The following FRMD5 variants were observed in gnomAD, a reference collection of about 807,000 sequenced individuals.
The protein encoded by FRMD5 is FERM domain containing 5, also known as FERM domain-containing protein 5.
FRMD5 carries 20 observed loss-of-function variants against 69.0 expected under a neutral mutation model. The observed-to-expected ratio is 0.29, with a 90% confidence interval of 0.20 to 0.42. The LOEUF (loss-of-function observed/expected upper bound fraction) is 0.42. FRMD5 is among the 10% of genes least tolerant of loss of function. The pLI is 1.00. For synonymous variants in FRMD5, 271 were observed against 260.1 expected (o/e 1.04, Z -0.40); for missense variants, 595 against 708.6 (o/e 0.84, Z 1.82).
rs560311470 is a variant in FRMD5, at chr15:44,175,932, T to C, written c.102+19021A>G. ...ATTCATGAATCAGAAGACTTAATAC[T>C]GTTAAGATGGCAACACTCCCTGAAT... On this transcript the variant is annotated intron_variant, in intron 1 of 13. Coordinates refer to ENST00000417257, the MANE Select transcript of FRMD5 (RefSeq NM_032892.5). Among the ~76,000 whole-genome samples the C allele has an allele frequency of 6.6e-5, 10 of 152,296 alleles. No homozygotes were observed. In the South Asian group the frequency reaches 1.9e-3, roughly 28 times the overall value.
At chr15:43,880,949 C>G (rs781161906) in intron 13 of FRMD5, among the ~76,000 whole-genome samples, 3 of 152,224 alleles carry the variant, frequency 2.0e-5, no homozygotes, top group Non-Finnish European at 4.4e-5. Flanking sequence ...CCTGACTCAG[C>G]CTCAGCATGT....
intron 1 of FRMD5, among the ~76,000 whole-genome samples, chr15:44,182,538 C>G (rs2078023812): frequency 6.6e-6 from 1 of 151,936 alleles, no homozygotes; most frequent in African/African-American, 2.4e-5. Flanking sequence ...ATCATGTTAG[C>G]CAGGATGGTC....
chr15:44,001,392 G>A (rs1016009038), intron 1 of FRMD5, among the ~76,000 whole-genome samples: 2 of 152,028 alleles, frequency 1.3e-5, no homozygotes, highest in African/African-American at 4.8e-5. Context: ...CCTCTGCTGT[G>A]CAGAAACTTT....
At chr15:43,994,652 G>T (rs1209267080) in intron 1 of FRMD5, among the ~76,000 whole-genome samples, 2 of 152,228 alleles carry the variant, frequency 1.3e-5, no homozygotes, top group African/African-American at 4.8e-5. Flanking sequence ...GGCTGGTCTC[G>T]AACTCCTGAC....
intron 1 of FRMD5, among the ~76,000 whole-genome samples, chr15:44,170,329 C>A (rs2077779169): frequency 1.3e-5 from 2 of 152,080 alleles, no homozygotes; most frequent in Admixed American, 6.6e-5. Context: ...TCGAGACCAG[C>A]CTGACCAATA....
intron 1 of FRMD5, among the ~76,000 whole-genome samples, chr15:43,974,066 G>A (rs969419586): frequency 4.6e-5 from 7 of 150,914 alleles, no homozygotes; most frequent in African/African-American, 1.7e-4. Flanking sequence ...TGATCTTGAA[G>A]TTACTCTACT....
chr15:44,052,513 T>C (rs370202255), intron 1 of FRMD5, among the ~76,000 whole-genome samples: 2 of 152,188 alleles, frequency 1.3e-5, no homozygotes, highest in Non-Finnish European at 2.9e-5. Flanking sequence ...TTGGGTACTA[T>C]TGCTTCCACA....
At chr15:43,935,739 C>A (rs976345791) in intron 1 of FRMD5, among the ~76,000 whole-genome samples, 1 of 152,146 alleles carries the variant, frequency 6.6e-6, no homozygotes, top group East Asian at 1.9e-4. Context: ...CAGCGGCTCC[C>A]TGAGGCCTCT....
At chr15:44,148,367 G>C (rs2077389057) in intron 1 of FRMD5, among the ~76,000 whole-genome samples, 1 of 151,914 alleles carries the variant, frequency 6.6e-6, no homozygotes, top group Non-Finnish European at 1.5e-5. Flanking sequence ...TGCCTCCCGG[G>C]TTCACGCCAT....
rs74713997 is a variant in FRMD5 at position 43,920,119 on chromosome 15, G to A, written c.208-310C>T. ...TTTGGCATGCGATTAAGGCACAAGC[G>A]ACTGCATGTATGTGTGGCGGGGACA... is the stretch of plus-strand genomic sequence containing the variant. On this transcript the variant is annotated intron_variant, in intron 2 of 13. Coordinates refer to ENST00000417257, the MANE Select transcript of FRMD5 (RefSeq NM_032892.5). Among the ~76,000 whole-genome samples, 856 of 152,352 alleles carry A rather than the reference G, an allele frequency of 5.6e-3. 6 individuals are homozygous for A. Among genetic ancestry groups the A allele is most frequent in the African/African-American group, 0.019 (806 of 41,576 alleles).
At chr15:44,029,765 C>T (rs1891597687) in intron 1 of FRMD5, among the ~76,000 whole-genome samples, 1 of 152,150 alleles carries the variant, frequency 6.6e-6, no homozygotes, top group Non-Finnish European at 1.5e-5. Context: ...AGAACAGATG[C>T]TTAGAGATTC....
At chr15:43,886,135 CCTT>C (rs2088657873) in intron 10 of FRMD5, among the ~76,000 whole-genome samples, 1 of 152,166 alleles carries the variant, frequency 6.6e-6, no homozygotes, top group East Asian at 1.9e-4. Context: ...GGGCAAATTT[CCTT>C]CTCTCTTAGC....
At chr15:43,992,881 T>C (rs748909687) in intron 1 of FRMD5, among the ~76,000 whole-genome samples, 46 of 152,224 alleles carry the variant, frequency 3.0e-4, no homozygotes, top group Admixed American at 1.5e-3. Context: ...TTTTCTTTTT[T>C]TGATGTAGAT....
intron 1 of FRMD5, chr15:43,989,033 G>A: frequency 1.2e-6 from 1 of 825,152 alleles, no homozygotes; most frequent in Non-Finnish European, 2.1e-6. Context: ...GTCAAGAAAG[G>A]GTGTAACGCA....
chr15:44,026,922 G>A (rs908779172), intron 1 of FRMD5, among the ~76,000 whole-genome samples: 16 of 152,140 alleles, frequency 1.1e-4, no homozygotes, highest in African/African-American at 3.1e-4. Flanking sequence ...TGCCTCTGGC[G>A]TAAGTAAATA....
intron 1 of FRMD5, among the ~76,000 whole-genome samples, chr15:44,039,552 T>A: frequency 6.6e-6 from 1 of 152,176 alleles, no homozygotes; most frequent in East Asian, 1.9e-4. Context: ...TGGACCTCCA[T>A]CAAACTCCAG....
chr15:44,160,298 G>A (rs1398859160), intron 1 of FRMD5, among the ~76,000 whole-genome samples: 1 of 152,256 alleles, frequency 6.6e-6, no homozygotes, highest in Non-Finnish European at 1.5e-5. Context: ...AGAGGTTGCA[G>A]TGAGCCGAGA....
intron 1 of FRMD5, among the ~76,000 whole-genome samples, chr15:44,037,164 T>C (rs568096628): frequency 1.3e-5 from 2 of 152,042 alleles, no homozygotes; most frequent in Admixed American, 6.5e-5. Context: ...CAGGCCCTGG[T>C]GTGTGATATT....
upstream of FRMD5, among the ~76,000 whole-genome samples, chr15:44,198,793 A>G (rs1207059500): frequency 6.6e-6 from 1 of 152,246 alleles, no homozygotes; most frequent in Non-Finnish European, 1.5e-5. Context: ...GAAAGGGCTT[A>G]TTTAATAAAA....
Sources: allele counts gnomAD v4.1 joint callset (sites outside exome capture counted in the v4.1 genomes callset), GRCh38; gene constraint gnomAD v4.1.1; transcripts MANE v1.5; gene names NCBI Gene and HGNC (gene_info 2026-07-23, HGNC 2026-07-21).